The following MDGA2 variants were observed in gnomAD, a reference collection of about 807,000 sequenced individuals.
The protein encoded by MDGA2 is MAM domain containing glycosylphosphatidylinositol anchor 2.
A neutral mutation model predicts 117.8 loss-of-function variants in MDGA2; 40 were observed. The observed-to-expected ratio is 0.34, with a 90% CI of 0.26 to 0.44. The LOEUF (loss-of-function observed/expected upper bound fraction) is 0.44. MDGA2 is among the 20% of genes least tolerant of loss of function. MDGA2 has a pLI of 1.00. For missense variants in MDGA2, 1,123 were observed against 1,250.6 expected, an observed-to-expected ratio of 0.90 and a Z score of 1.54; for synonymous variants, 452 against 439.0, an observed-to-expected ratio of 1.03 and a Z score of -0.37.
intron 1 of MDGA2, among the ~76,000 whole-genome samples, chr14:47,392,394 T>C (rs1196131893): frequency 6.6e-6 from 1 of 152,140 alleles, no homozygotes; most frequent in Admixed American, 6.6e-5. Flanking sequence ...CACATAAAAA[T>C]GTTTGACCCA....
rs368405096 is a variant in MDGA2, at chr14:47,368,048, G to A, written c.281-66498C>T. 1.4e-4 allele frequency among the ~76,000 whole-genome samples: 22 copies of A among 152,250 alleles called. No homozygotes were observed. In the South Asian group the frequency reaches 2.9e-3, roughly 20 times the overall value. ...TAATCCCAGCACTTTGGGAGGCTGA[G>A]GAGGGTGGATCTCCTGAGGTCAGGA... On this transcript the variant is annotated intron_variant, in intron 1 of 16. Transcript: ENST00000399232.
chr14:47,606,385 C>A lies in MDGA2; in HGVS notation c.280+68132G>T, dbSNP rs148818443. On this transcript the variant is annotated intron_variant, in intron 1 of 16. Transcript: ENST00000399232. Reference sequence around the variant, plus strand: ...AAAGAAAGCTAAATTTTGATATGGGCCTAATGAAACTTTTTAAATTGTATC... The same window carrying A: ...AAAGAAAGCTAAATTTTGATATGGGACTAATGAAACTTTTTAAATTGTATC... Among the ~76,000 whole-genome samples the A allele has an allele frequency of 6.6e-5, 10 of 152,256 alleles. No individual in the cohort carries two copies. The East Asian group carries it at 1.4e-3, about 21-fold the overall frequency.
intron 1 of MDGA2, among the ~76,000 whole-genome samples, chr14:47,366,849 T>C (rs1891240905): frequency 8.6e-6 from 1 of 115,696 alleles, no homozygotes; most frequent in African/African-American, 3.4e-5. Context: ...CCTTAAAGAT[T>C]ATGTTTGATA....
At chr14:47,603,899 C>A (rs912254547) in intron 1 of MDGA2, among the ~76,000 whole-genome samples, 1 of 152,078 alleles carries the variant, frequency 6.6e-6, no homozygotes, top group African/African-American at 2.4e-5. Context: ...TGTGTGGTAC[C>A]TTCCCTGCTC....
chr14:47,651,355 G>T (rs746266595), intron 1 of MDGA2, among the ~76,000 whole-genome samples: 5 of 152,026 alleles, frequency 3.3e-5, no homozygotes, highest in Non-Finnish European at 4.4e-5. Flanking sequence ...CACACACAAA[G>T]ACTCTGAGGC....
intron 1 of MDGA2, among the ~76,000 whole-genome samples, chr14:47,320,129 C>T (rs1418090019): frequency 6.6e-6 from 1 of 152,140 alleles, no homozygotes; most frequent in Non-Finnish European, 1.5e-5. Flanking sequence ...TGATCTTGGA[C>T]TTAGAGTCTC....
In MDGA2 at chr14:47,381,512, G is replaced by A. The variant is rs538662945; in HGVS notation, c.281-79962C>T. ...TAGGCTGATAAGCAACTTCAGCAAA[G>A]TCTCAGGATACAAAATCAATGTGCA... On this transcript the variant is annotated intron_variant, in intron 1 of 16. Transcript: ENST00000399232. Among the ~76,000 whole-genome samples, 11 of 152,296 alleles carry A rather than the reference G, an allele frequency of 7.2e-5. No individual in the cohort carries two copies. In the East Asian group the frequency reaches 2.1e-3, roughly 29 times the overall value.
chr14:47,501,171 A>G (rs546328082), intron 1 of MDGA2, among the ~76,000 whole-genome samples: 1 of 152,280 alleles, frequency 6.6e-6, no homozygotes, highest in Admixed American at 6.5e-5. Context: ...TTTACGGGTA[A>G]GAGATGATAG....
intron 10 of MDGA2, among the ~76,000 whole-genome samples, chr14:46,898,923 G>A (rs1883182621): frequency 6.6e-6 from 1 of 152,028 alleles, no homozygotes; most frequent in South Asian, 2.1e-4. Context: ...TGTCCACACT[G>A]CAGTTATTAA....
chr14:47,184,018 C>T (rs4505228), intron 3 of MDGA2, among the ~76,000 whole-genome samples: 131,156 of 151,896 alleles, frequency 0.86, 56,696 homozygotes, highest in East Asian at 0.92. Context: ...AAATCCTCTT[C>T]CCATGCAATT....
chr14:47,068,327 GA>G lies in MDGA2; in HGVS notation c.1196-6750del, dbSNP rs1231442368. Among the ~76,000 whole-genome samples, 11 of 150,742 alleles carry G rather than the reference GA, an allele frequency of 7.3e-5. No homozygotes were observed. In the East Asian group the frequency reaches 7.8e-4, roughly 11 times the overall value. ...GGGGTAAATTCTTCTTAAGAAGGGG[GA>G]AAAAGTGAACTAAAATAATAACATA... On this transcript the variant is annotated intron_variant, in intron 6 of 16. Transcript: ENST00000399232.
chr14:47,477,245 A>T (rs1893862968), intron 1 of MDGA2, among the ~76,000 whole-genome samples: 1 of 152,214 alleles, frequency 6.6e-6, no homozygotes, highest in African/African-American at 2.4e-5. Flanking sequence ...TGAGACAAGG[A>T]TTGATATTCA....
chr14:47,540,514 A>ATGTGTGTGTGTG (rs1566505955), intron 1 of MDGA2, among the ~76,000 whole-genome samples: 1 of 98,270 alleles, frequency 1.0e-5, no homozygotes, highest in African/African-American at 3.4e-5. Context: ...GTATATGTAT[A>ATGTGTGTGTGTG]TGTATATGTG....
At chr14:47,472,821 T>C (rs1037791244) in intron 1 of MDGA2, among the ~76,000 whole-genome samples, 5 of 152,170 alleles carry the variant, frequency 3.3e-5, no homozygotes, top group African/African-American at 1.2e-4. Flanking sequence ...GAGAAAATTA[T>C]AATGATGCCT....
chr14:47,422,385 T>A (rs909896147), intron 1 of MDGA2, among the ~76,000 whole-genome samples: 1 of 152,130 alleles, frequency 6.6e-6, no homozygotes, highest in Non-Finnish European at 1.5e-5. Context: ...AGACCTCTCT[T>A]GACCCCCTCC....
intron 3 of MDGA2, among the ~76,000 whole-genome samples, chr14:47,182,628 A>AGG (rs1884753710): frequency 1.3e-5 from 2 of 152,230 alleles, no homozygotes; most frequent in African/African-American, 4.8e-5. Flanking sequence ...GTTTATACCC[A>AGG]GTCTGCAGTA....
intron 1 of MDGA2, among the ~76,000 whole-genome samples, chr14:47,306,590 A>G (rs1433150475): frequency 1.3e-5 from 2 of 152,154 alleles, no homozygotes; most frequent in Non-Finnish European, 2.9e-5. Context: ...TCCCTCACGC[A>G]GCTATTCTCT....
chr14:47,141,840 T>C (rs532535822), intron 4 of MDGA2, among the ~76,000 whole-genome samples: 1 of 152,328 alleles, frequency 6.6e-6, no homozygotes, highest in South Asian at 2.1e-4. Context: ...TTGTATTGTA[T>C]GTTTCAATAC....
intron 8 of MDGA2, among the ~76,000 whole-genome samples, chr14:46,975,539 T>C (rs971039330): frequency 3.9e-5 from 6 of 152,092 alleles, no homozygotes; most frequent in African/African-American, 1.4e-4. Context: ...TGACATATGC[T>C]ACAACATGGA....
Sources: gnomAD v4.1 joint callset for allele counts (sites outside exome capture counted in the v4.1 genomes callset) on GRCh38, gnomAD v4.1.1 for gene constraint, MANE v1.5 for transcripts, NCBI Gene and HGNC (gene_info 2026-07-23, HGNC 2026-07-21) for gene names.